Variants in RAD54B observed in about 807,000 individuals in gnomAD.
RAD54B encodes the protein RAD54 homolog B.
Under a neutral mutation model 95.8 loss-of-function variants are expected in RAD54B, and 78 were observed. That is an observed-to-expected ratio of 0.81 (90% CI 0.68 to 0.98). RAD54B has a LOEUF of 0.98. Ranked by LOEUF, RAD54B falls within the 50% of genes least tolerant of loss-of-function variation. The pLI is 0.00. For missense variants in RAD54B, 957 were observed against 1,056.6 expected, an observed-to-expected ratio of 0.91 and a Z score of 1.31; for synonymous variants, 328 against 354.9, an observed-to-expected ratio of 0.92 and a Z score of 0.85.
intron 3 of RAD54B, among the ~76,000 whole-genome samples, chr8:94,453,808 G>A (rs192189476): frequency 3.9e-5 from 6 of 152,198 alleles, no homozygotes; most frequent in African/African-American, 1.4e-4. Context: ...TTGTTTGTTT[G>A]AGATGGAGTT....
chr8:94,390,527 T>C (rs936616824), intron 10 of RAD54B, among the ~76,000 whole-genome samples: 2 of 148,502 alleles, frequency 1.3e-5, no homozygotes, highest in African/African-American at 4.9e-5. Context: ...AACAAATAAA[T>C]AAACAGCATC....
rs1374976461 is a variant in RAD54B at position 94,380,421 on chromosome 8, G to A, written c.1986-15C>T. The A allele has an allele frequency of 6.4e-7, 1 of 1,564,926 alleles. No homozygotes were observed. The highest frequency in any genetic ancestry group is 2.0e-5 in the Admixed American group (1 of 50,626). On this transcript the variant is annotated splice_polypyrimidine_tract_variant and intron_variant, in intron 11 of 14. Transcript: ENST00000336148. ...CCAACACCACCCTGTCAATCAAAAAGAAAGATTCTTTAGATAAATTTAAAG... is the reference window on the plus strand; with the variant it reads ...CCAACACCACCCTGTCAATCAAAAAAAAAGATTCTTTAGATAAATTTAAAG...
chr8:94,453,499 G>A (rs554885729), intron 3 of RAD54B, among the ~76,000 whole-genome samples: 12 of 152,074 alleles, frequency 7.9e-5, no homozygotes, highest in South Asian at 6.2e-4. Context: ...ACTGCACTCC[G>A]GCCTGGGTGA....
chr8:94,450,224 C>A (rs1041996727), intron 3 of RAD54B, among the ~76,000 whole-genome samples: 6 of 152,082 alleles, frequency 3.9e-5, no homozygotes, highest in Non-Finnish European at 7.4e-5. Context: ...GAAGTAAGAG[C>A]CACTAGAAAA....
chr8:94,458,419 G>A lies in RAD54B; in HGVS notation c.153C>T (p.Asn51=). ...GATCATTTTGTGACGGGAGAAAGGT[G>A]TTATTAATTGCAACACCCTAAAAGA... ...IKLFEGVAIN[N]TFLPSQNDLR... is the part of the protein sequence containing the mutation. The change falls in exon 3 of 15, where the codon AAC becomes AAT. Residue 51 remains asparagine (N), a synonymous_variant. Transcript: ENST00000336148. The A allele has an allele frequency of 6.3e-7, 1 of 1,588,418 alleles. No homozygotes were observed. Among genetic ancestry groups the A allele is most frequent in the South Asian group, 1.2e-5 (1 of 83,944 alleles).
rs1812822129 is a variant in RAD54B at position 94,458,286 on chromosome 8, A to G, written c.286T>C (p.Leu96=). ...GTCTTACCTGTATGAGGTGGATCTA[A>G]TGTTGCCAGTGTAGGTGCTTCAAAA... ...YCFEAPTLAT[L]DPPHTVHSAP... The change falls in exon 3 of 15, where the codon TTA becomes CTA. Residue 96 remains leucine, a synonymous_variant. Transcript: ENST00000336148. 1.2e-6 allele frequency: 2 copies of G among 1,606,310 alleles called. No individual in the cohort carries two copies. The highest frequency in any genetic ancestry group is 1.7e-6 in the Non-Finnish European group (2 of 1,177,508).
intron 3 of RAD54B, among the ~76,000 whole-genome samples, chr8:94,417,089 G>A (rs1033759478): frequency 2.0e-5 from 3 of 151,992 alleles, no homozygotes; most frequent in East Asian, 1.9e-4. Context: ...GCTAAAACAC[G>A]GATGAACCCT....
intron 3 of RAD54B, among the ~76,000 whole-genome samples, chr8:94,438,952 T>A (rs77761956): frequency 1.3e-5 from 2 of 152,016 alleles, no homozygotes; most frequent in East Asian, 3.9e-4. Context: ...ATTAGCCAGG[T>A]GTGGTGGCAT....
intron 8 of RAD54B, among the ~76,000 whole-genome samples, chr8:94,394,407 A>AT (rs59691545): frequency 4.6e-5 from 7 of 151,204 alleles, no homozygotes; most frequent in South Asian, 4.2e-4. Flanking sequence ...TAAACTCAGA[A>AT]TTTTTTTTTT....
At position 94,391,855 on chromosome 8, in the gene RAD54B, G is replaced by A; in HGVS notation, c.1563C>T (p.Cys521=). 3 of 1,613,024 alleles carry A rather than the reference G, an allele frequency of 1.9e-6. No homozygotes were observed. Among genetic ancestry groups the A allele is most frequent in the Non-Finnish European group, 2.5e-6 (3 of 1,179,752 alleles). The change falls in exon 10 of 15, where the codon TGC becomes TGT. Residue 521 remains cysteine, a synonymous_variant. Transcript: ENST00000336148. The part of the protein sequence containing the change: ...LGERRAAELT[C]LTGLFILRRT... ...TTCTAAGGATAAAGAGTCCAGTGAG[G>A]CAAGTAAGTTCAGCTGCTCTTCTTT...
chr8:94,446,838 T>C, intron 3 of RAD54B, among the ~76,000 whole-genome samples: 1 of 151,506 alleles, frequency 6.6e-6, no homozygotes, highest in East Asian at 1.9e-4. Flanking sequence ...AGGGCCCTCA[T>C]TCCTCAGATG....
At chr8:94,430,277 C>T in intron 3 of RAD54B, 7 of 913,192 alleles carry the variant, frequency 7.7e-6, no homozygotes, top group Non-Finnish European at 9.1e-6. Flanking sequence ...CACCACTGCA[C>T]TCCAACCTAG....
At chr8:94,405,409 A>T (rs1358223492) in intron 5 of RAD54B, among the ~76,000 whole-genome samples, 2 of 152,202 alleles carry the variant, frequency 1.3e-5, no homozygotes, top group Non-Finnish European at 2.9e-5. Context: ...ACTCCAGTAG[A>T]CTATGTAAAT....
chr8:94,377,303 A>G lies in RAD54B; in HGVS notation c.2515+877T>C, dbSNP rs139143586. ...GTAATCCCAGCACTTTGAGAGGCTGAGGCGGGCAGATCGCTGGAGCCCAGG... is the reference window on the plus strand; with the variant it reads ...GTAATCCCAGCACTTTGAGAGGCTGGGGCGGGCAGATCGCTGGAGCCCAGG... On this transcript the variant is annotated intron_variant, in intron 14 of 14. Transcript: ENST00000336148. Among the ~76,000 whole-genome samples the G allele has an allele frequency of 8.2e-4, 125 of 152,140 alleles. No individual in the cohort carries two copies. The East Asian group carries it at 0.023, about 29-fold the overall frequency.
At chr8:94,415,264 G>A (rs1378826004) in intron 3 of RAD54B, among the ~76,000 whole-genome samples, 1 of 147,674 alleles carries the variant, frequency 6.8e-6, no homozygotes, top group Admixed American at 6.9e-5. Flanking sequence ...CAAGCAATGG[G>A]GAAAGGATTC....
At chr8:94,417,480 TA>T (rs34766725) in intron 3 of RAD54B, among the ~76,000 whole-genome samples, 59,676 of 140,776 alleles carry the variant, frequency 0.42, 11,965 homozygotes, top group East Asian at 0.49. Context: ...TGACTAAAAT[TA>T]AAAAAAAAAA....
intron 3 of RAD54B, among the ~76,000 whole-genome samples, chr8:94,418,485 G>T (rs1020647210): frequency 2.6e-5 from 4 of 152,102 alleles, no homozygotes; most frequent in South Asian, 2.1e-4. Context: ...CAGTAAAATA[G>T]ACTTTTTCTT....
intron 3 of RAD54B, among the ~76,000 whole-genome samples, chr8:94,422,462 C>T (rs1172092440): frequency 6.7e-6 from 1 of 150,028 alleles, no homozygotes; most frequent in Non-Finnish European, 1.5e-5. Context: ...TAGTACACGC[C>T]TGTAGTGCCG....
At chr8:94,420,492 T>C (rs1452704933) in intron 3 of RAD54B, among the ~76,000 whole-genome samples, 1 of 151,842 alleles carries the variant, frequency 6.6e-6, no homozygotes, top group Non-Finnish European at 1.5e-5. Flanking sequence ...ACTCATGAGC[T>C]TAAGCGTCTG....
Sources: allele counts gnomAD v4.1 joint callset (sites outside exome capture counted in the v4.1 genomes callset), GRCh38; gene constraint gnomAD v4.1.1; transcripts MANE v1.5; gene names NCBI Gene and HGNC (gene_info 2026-07-23, HGNC 2026-07-21).